Variants in SMARCC1 observed in about 807,000 individuals in gnomAD.
SMARCC1 encodes SWI/SNF related BAF chromatin remodeling complex subunit C1, also known as SWI/SNF complex subunit SMARCC1.
In SMARCC1, 43 loss-of-function variants were observed where a neutral mutation model predicts 147.4. The ratio of observed to expected loss-of-function variants is 0.29; its 90% CI spans 0.23 to 0.38. The LOEUF (loss-of-function observed/expected upper bound fraction) is 0.38, where lower values mean the gene tolerates loss of function less well. SMARCC1 is among the 10% of genes least tolerant of loss of function. The pLI is 1.00. For synonymous variants in SMARCC1, 495 were observed against 484.4 expected, an observed-to-expected ratio of 1.02 and a Z score of -0.29; for missense variants, 1,119 against 1,381.1, an observed-to-expected ratio of 0.81 and a Z score of 3.01.
Position 47,720,647 on chromosome 3 carries a change from C to T in SMARCC1, c.716+19G>A. 1 of 1,525,490 alleles carries T rather than the reference C, an allele frequency of 6.6e-7. No homozygotes were observed. Among genetic ancestry groups the T allele is most frequent in the Non-Finnish European group, 9.0e-7 (1 of 1,108,490 alleles). 94.5% of individuals were successfully genotyped at this position (1,525,490 alleles called of 1,614,324 possible). A position where few individuals can be genotyped will look rare whatever the true frequency, so the allele number is the denominator to read the frequency against. The stretch of plus-strand genomic sequence containing the variant: ...TCACAGAAATCTTTATACCAGGTCT[C>T]ACAGCATATGAACATTACCTGTCTG... On this transcript the variant is annotated intron_variant, in intron 7 of 27. Transcript: ENST00000254480.
chr3:47,644,106 T>C (rs1013998288), intron 21 of SMARCC1, among the ~76,000 whole-genome samples: 2 of 152,112 alleles, frequency 1.3e-5, no homozygotes, highest in African/African-American at 4.8e-5. Context: ...TGCTTGAGCC[T>C]AGAAGTGCAA....
intron 5 of SMARCC1, among the ~76,000 whole-genome samples, chr3:47,735,078 A>G (rs776018390): frequency 6.6e-5 from 10 of 151,932 alleles, no homozygotes; most frequent in Admixed American, 4.6e-4. Flanking sequence ...TTTAAATCAT[A>G]TATGTAACAG....
intron 26 of SMARCC1, among the ~76,000 whole-genome samples, chr3:47,607,072 T>C (rs1003103586): frequency 6.6e-6 from 1 of 152,138 alleles, no homozygotes; most frequent in African/African-American, 2.4e-5. Flanking sequence ...AGATGTGAAC[T>C]CTTAAGCATT....
chr3:47,679,427 T>C (rs945089751), intron 15 of SMARCC1, among the ~76,000 whole-genome samples: 3 of 152,222 alleles, frequency 2.0e-5, no homozygotes, highest in Admixed American at 6.5e-5. Context: ...AAATCCTTTA[T>C]GCAATTAAGC....
At chr3:47,722,293 ATTTTT>A (rs34260316) in intron 6 of SMARCC1, among the ~76,000 whole-genome samples, 3 of 107,082 alleles carry the variant, frequency 2.8e-5, no homozygotes, top group Non-Finnish European at 5.4e-5. Context: ...ACAAATTTTG[ATTTTT>A]TTTTTTTTTT....
chr3:47,767,386 A>G (rs1244083347), intron 2 of SMARCC1, among the ~76,000 whole-genome samples: 1 of 146,500 alleles, frequency 6.8e-6, no homozygotes, highest in East Asian at 2.2e-4. Context: ...GATTACAGGC[A>G]TGTACCACCA....
intron 12 of SMARCC1, among the ~76,000 whole-genome samples, chr3:47,692,697 T>C (rs748545563): frequency 6.6e-6 from 1 of 152,072 alleles, no homozygotes; most frequent in Non-Finnish European, 1.5e-5. Flanking sequence ...ACAGCTAATA[T>C]CCTGTAGTGG....
At chr3:47,691,553 G>A (rs1432431551) in intron 12 of SMARCC1, among the ~76,000 whole-genome samples, 1 of 152,098 alleles carries the variant, frequency 6.6e-6, no homozygotes, top group Non-Finnish European at 1.5e-5. Context: ...AGTGGAGGTT[G>A]CAGTGAGCCA....
At chr3:47,662,945 G>A (rs1283026046) in intron 19 of SMARCC1, among the ~76,000 whole-genome samples, 2 of 150,766 alleles carry the variant, frequency 1.3e-5, no homozygotes, top group African/African-American at 2.4e-5. Flanking sequence ...GCATGGTGGT[G>A]CGTGCCTGTA....
At chr3:47,715,499 A>C (rs2034144520) in intron 7 of SMARCC1, among the ~76,000 whole-genome samples, 1 of 152,214 alleles carries the variant, frequency 6.6e-6, no homozygotes, top group Admixed American at 6.5e-5. Flanking sequence ...AAGTATGTCT[A>C]GAATCTATCT....
chr3:47,630,603 A>AACT (rs1559629790), intron 24 of SMARCC1, among the ~76,000 whole-genome samples: 1 of 152,244 alleles, frequency 6.6e-6, no homozygotes, highest in Non-Finnish European at 1.5e-5. Context: ...GAACAGGACT[A>AACT]ACTGTAGGCA....
intron 21 of SMARCC1, among the ~76,000 whole-genome samples, chr3:47,652,237 T>C (rs528380037): frequency 6.6e-6 from 1 of 152,156 alleles, no homozygotes; most frequent in African/African-American, 2.4e-5. Flanking sequence ...GCCAAAATGT[T>C]GGGATTACGA....
chr3:47,634,389 A>G (rs1381812523), intron 24 of SMARCC1, among the ~76,000 whole-genome samples: 1 of 152,228 alleles, frequency 6.6e-6, no homozygotes, highest in Non-Finnish European at 1.5e-5. Context: ...TTAAACACTT[A>G]GAGAAGTAGT....
intron 18 of SMARCC1, among the ~76,000 whole-genome samples, chr3:47,673,959 G>T (rs2106753074): frequency 6.6e-6 from 1 of 152,212 alleles, no homozygotes; most frequent in Non-Finnish European, 1.5e-5. Context: ...GCCAGAAGAT[G>T]TCTTTTATAC....
At chr3:47,727,207 C>T (rs957482864) in intron 6 of SMARCC1, among the ~76,000 whole-genome samples, 1 of 148,374 alleles carries the variant, frequency 6.7e-6, no homozygotes, top group Non-Finnish European at 1.5e-5. Context: ...AGCAAGACTC[C>T]ACCTTAAAAC....
chr3:47,718,087 T>C (rs1224648219), intron 7 of SMARCC1, among the ~76,000 whole-genome samples: 2 of 144,652 alleles, frequency 1.4e-5, no homozygotes, highest in African/African-American at 5.2e-5. Flanking sequence ...TCACTTGAGC[T>C]GTCTTCATGC....
chr3:47,604,828 A>T (rs1173293547), intron 26 of SMARCC1, among the ~76,000 whole-genome samples: 2 of 150,342 alleles, frequency 1.3e-5, no homozygotes, highest in Non-Finnish European at 2.9e-5. Context: ...CCTCCTGAGT[A>T]GCTGGAATTA....
At chr3:47,755,943 T>C (rs1196210819) in intron 2 of SMARCC1, among the ~76,000 whole-genome samples, 3 of 129,126 alleles carry the variant, frequency 2.3e-5, no homozygotes, top group African/African-American at 6.1e-5. Flanking sequence ...TGAGCTGAGA[T>C]GGTGCCACTG....
At chr3:47,641,562 C>G (rs1188535278) in intron 21 of SMARCC1, among the ~76,000 whole-genome samples, 1 of 151,926 alleles carries the variant, frequency 6.6e-6, no homozygotes. Context: ...TGTCTACATA[C>G]AAAGATCTGC....
Sources: allele counts gnomAD v4.1 joint callset (sites outside exome capture counted in the v4.1 genomes callset), GRCh38; gene constraint gnomAD v4.1.1; transcripts MANE v1.5; gene names NCBI Gene and HGNC (gene_info 2026-07-23, HGNC 2026-07-21).